DMD: variants seen among roughly 807,000 people sequenced by gnomAD.
DMD encodes the protein mutant dystrophin.
Under a neutral mutation model 330.1 loss-of-function variants are expected in DMD, and 63 were observed. That is an observed-to-expected ratio of 0.19 (90% CI 0.16 to 0.24). The LOEUF is 0.24. DMD is among the 10% of genes least tolerant of loss of function. The pLI is 1.00. For synonymous variants in DMD, 1,223 were observed against 959.8 expected (o/e 1.27, Z -5.07); for missense variants, 3,344 against 2,684.1 (o/e 1.25, Z -5.43).
intron 9 of DMD, among the ~76,000 whole-genome samples, chrX:32,664,969 A>C (rs1017231178): frequency 1.8e-5 from 2 of 112,127 alleles, no homozygotes; most frequent in African/African-American, 6.5e-5. Flanking sequence ...AAAAACAGGA[A>C]GAAAACCTGG....
chrX:31,200,285 A>G (rs972692963), intron 67 of DMD, among the ~76,000 whole-genome samples: 1 of 111,666 alleles, frequency 9.0e-6, no homozygotes. Context: ...TGGCCTTGGG[A>G]AGCTGGAGAG....
chrX:31,154,337 C>A (rs2037834843), intron 74 of DMD, among the ~76,000 whole-genome samples: 1 of 109,652 alleles, frequency 9.1e-6, no homozygotes, highest in South Asian at 4.0e-4. Context: ...GCTCTGTCGC[C>A]CATGCTGGAG....
chrX:31,226,696 A>G (rs780206271), intron 63 of DMD, among the ~76,000 whole-genome samples: 1 of 111,320 alleles, frequency 9.0e-6, no homozygotes, highest in African/African-American at 3.3e-5. Context: ...TGCGGCATCA[A>G]TCCATGAGAA....
rs1843708289 is a variant in DMD, at chrX:31,443,251, C to T, written c.9084+1230G>A. ...CCTTCACACTGAGAAGGTAGACGCA[C>T]CTCTTCCACCACTACAACCATTACT... On this transcript the variant is annotated intron_variant, in intron 60 of 78. Coordinates refer to ENST00000357033, the MANE Select transcript of DMD (RefSeq NM_004006.3). Among the ~76,000 whole-genome samples, 3 of 110,848 alleles carry T rather than the reference C, an allele frequency of 2.7e-5. No homozygotes were observed. The Admixed American group carries it at 2.9e-4, about 11-fold the overall frequency.
At chrX:32,173,138 T>C (rs1212373234) in intron 44 of DMD, among the ~76,000 whole-genome samples, 2 of 105,086 alleles carry the variant, frequency 1.9e-5, no homozygotes, top group Admixed American at 1.0e-4. Flanking sequence ...CAGCAGCATG[T>C]GGCAGGTGGC....
At chrX:32,684,378 T>A (rs772741268) in intron 9 of DMD, among the ~76,000 whole-genome samples, 1 of 111,728 alleles carries the variant, frequency 9.0e-6, no homozygotes, top group African/African-American at 3.2e-5. Context: ...TTTCATGATA[T>A]TGCATTAAAA....
chrX:32,983,360 C>T (rs1016925838), intron 2 of DMD, among the ~76,000 whole-genome samples: 19 of 110,904 alleles, frequency 1.7e-4, no homozygotes, highest in Non-Finnish European at 3.0e-4. Flanking sequence ...ATGATCTCCA[C>T]GTACATGTAT....
At chrX:32,946,225 T>G (rs768485866) in intron 2 of DMD, among the ~76,000 whole-genome samples, 10 of 111,835 alleles carry the variant, frequency 8.9e-5, no homozygotes, top group Admixed American at 3.8e-4. Flanking sequence ...TTAATTTTCT[T>G]TGATTACAGC....
chrX:32,206,024 G>C (rs185689235), intron 44 of DMD: 9 of 495,409 alleles, frequency 1.8e-5, no homozygotes, highest in African/African-American at 1.2e-4. Context: ...CTTTAAGAAC[G>C]GTCAGTTTAG....
At chrX:32,408,389 A>C (rs960372485) in intron 30 of DMD, among the ~76,000 whole-genome samples, 9 of 112,151 alleles carry the variant, frequency 8.0e-5, no homozygotes, top group African/African-American at 2.9e-4. Flanking sequence ...GCCAATGTGA[A>C]TGTAAAGAAG....
chrX:31,758,873 C>A (rs1297004793), intron 51 of DMD, among the ~76,000 whole-genome samples: 2 of 111,796 alleles, frequency 1.8e-5, no homozygotes, highest in African/African-American at 3.2e-5. Context: ...GTTGGCATAA[C>A]CATCAAAGGG....
chrX:31,157,767 C>G (rs2038315375), intron 74 of DMD, among the ~76,000 whole-genome samples: 1 of 109,836 alleles, frequency 9.1e-6, no homozygotes, highest in Non-Finnish European at 1.9e-5. Context: ...ATCCTATGGC[C>G]TCCTCTATTA....
intron 60 of DMD, among the ~76,000 whole-genome samples, chrX:31,434,686 G>A (rs939393311): frequency 6.3e-5 from 7 of 111,253 alleles, no homozygotes; most frequent in African/African-American, 2.3e-4. Flanking sequence ...ATTATTGAAT[G>A]AATGATTGAA....
At chrX:31,447,949 G>A (rs2065410457) in intron 59 of DMD, among the ~76,000 whole-genome samples, 1 of 101,718 alleles carries the variant, frequency 9.8e-6, no homozygotes, top group Non-Finnish European at 2.0e-5. Flanking sequence ...GGAGGTTGCA[G>A]TGAGCCAAGA....
chrX:31,687,587 A>C (rs752869406), intron 52 of DMD, among the ~76,000 whole-genome samples: 278 of 111,917 alleles, frequency 2.5e-3, no homozygotes, highest in South Asian at 6.8e-3. Context: ...TTAAAAGGGC[A>C]AGGAAGAGCA....
At chrX:33,022,612 A>G (rs191570350) in intron 1 of DMD, among the ~76,000 whole-genome samples, 2 of 110,841 alleles carry the variant, frequency 1.8e-5, no homozygotes, top group East Asian at 2.8e-4. Context: ...CTTACTATTC[A>G]TAAGTTTGTT....
In DMD at chrX:31,182,902, A is replaced by G; in HGVS notation, c.9810T>C (p.Ala3270=). Residue 3270 remains alanine (A), a splice_region_variant and synonymous_variant, in exon 68 of 79, where the codon GCT becomes GCC. Coordinates refer to ENST00000357033, the MANE Select transcript of DMD (RefSeq NM_004006.3). The part of the protein sequence containing the change: ...EPSVRSCFQF[A]NNKPEIEAAL... ...CCGCTTCGATCTCTGGCTTATTATT[A>G]GCCTGCAAAGACAGGAGGGAGAGAG... 8.3e-7 allele frequency: 1 copy of G among 1,207,329 alleles called. No individual in the cohort carries two copies. Among genetic ancestry groups the G allele is most frequent in the Non-Finnish European group, 1.1e-6 (1 of 893,248 alleles).
At chrX:32,274,708 G>T (rs1032829129) in intron 43 of DMD, among the ~76,000 whole-genome samples, 1 of 112,173 alleles carries the variant, frequency 8.9e-6, no homozygotes, top group Non-Finnish European at 1.9e-5. Flanking sequence ...AACTAAACAA[G>T]GAAATGTAAA....
At chrX:32,530,022 G>A in intron 17 of DMD, among the ~76,000 whole-genome samples, 1 of 111,879 alleles carries the variant, frequency 8.9e-6, no homozygotes. Flanking sequence ...AGATTGCACT[G>A]AAAGGCATCT....
Sources: allele counts gnomAD v4.1 joint callset (sites outside exome capture counted in the v4.1 genomes callset), GRCh38; gene constraint gnomAD v4.1.1; transcripts MANE v1.5; gene names NCBI Gene and HGNC (gene_info 2026-07-23, HGNC 2026-07-21).